ZNF521: variants seen among roughly 807,000 people sequenced by gnomAD.
The protein encoded by ZNF521 is LYST-interacting protein 3.
A neutral mutation model predicts 105.5 loss-of-function variants in ZNF521; 14 were observed. The ratio of observed to expected loss-of-function variants is 0.13; its 90% CI spans 0.09 to 0.21. The LOEUF (loss-of-function observed/expected upper bound fraction) is 0.21, where lower values mean the gene tolerates loss of function less well. Among genes scored for constraint, ZNF521 ranks in the 10% least tolerant of loss-of-function variants. The probability of loss-of-function intolerance (pLI) is 1.00; values close to 1 mark genes in which losing one functional copy is unlikely to be tolerated. For synonymous variants in ZNF521, 635 were observed against 606.0 expected (o/e 1.05, Z -0.70); for missense variants, 1,233 against 1,629.7 (o/e 0.76, Z 4.19).
intron 3 of ZNF521, among the ~76,000 whole-genome samples, chr18:25,257,124 A>T (rs1308418187): frequency 3.3e-5 from 5 of 152,158 alleles, no homozygotes; most frequent in Non-Finnish European, 5.9e-5. Flanking sequence ...CACTGTACTC[A>T]TAGTTTTAGG....
intron 3 of ZNF521, among the ~76,000 whole-genome samples, chr18:25,288,839 C>T (rs925308239): frequency 6.6e-6 from 1 of 152,154 alleles, no homozygotes; most frequent in African/African-American, 2.4e-5. Flanking sequence ...TTAATAACTC[C>T]ACAGTTGTAC....
At chr18:25,066,312 C>T (rs1458831223) in intron 7 of ZNF521, among the ~76,000 whole-genome samples, 1 of 152,296 alleles carries the variant, frequency 6.6e-6, no homozygotes, top group East Asian at 1.9e-4. Context: ...TGGGATTCTG[C>T]TCCATCCTCA....
chr18:25,264,736 A>G (rs1052500911), intron 3 of ZNF521, among the ~76,000 whole-genome samples: 3 of 152,212 alleles, frequency 2.0e-5, no homozygotes, highest in African/African-American at 7.2e-5. Context: ...TTAATTAAAC[A>G]AAAGCCCGAA....
At chr18:25,219,074 C>T (rs1905525806) in intron 4 of ZNF521, among the ~76,000 whole-genome samples, 1 of 152,154 alleles carries the variant, frequency 6.6e-6, no homozygotes. Flanking sequence ...CTTATGACTT[C>T]CTACTAGTAT....
intron 3 of ZNF521, among the ~76,000 whole-genome samples, chr18:25,281,118 G>C (rs1353550700): frequency 2.6e-5 from 4 of 152,112 alleles, no homozygotes; most frequent in Non-Finnish European, 4.4e-5. Context: ...ATATAAATTA[G>C]TGTTCCACAA....
intron 5 of ZNF521, among the ~76,000 whole-genome samples, chr18:25,111,089 C>T (rs1231682365): frequency 6.6e-6 from 1 of 151,922 alleles, no homozygotes; most frequent in Non-Finnish European, 1.5e-5. Flanking sequence ...AGCAGGGCCT[C>T]CTTACTGCCT....
chr18:25,238,875 C>T (rs977188401), intron 3 of ZNF521, among the ~76,000 whole-genome samples: 1 of 152,114 alleles, frequency 6.6e-6, no homozygotes, highest in Non-Finnish European at 1.5e-5. Context: ...GAGGATGGGG[C>T]CCAGAAATCT....
chr18:25,327,728 C>T (rs1027697685), intron 2 of ZNF521: 1 of 517,450 alleles, frequency 1.9e-6, no homozygotes, highest in Non-Finnish European at 3.9e-6. Flanking sequence ...GGAAATAAAT[C>T]GCACACTGTT....
At chr18:25,281,733 G>A (rs1170530428) in intron 3 of ZNF521, among the ~76,000 whole-genome samples, 1 of 152,146 alleles carries the variant, frequency 6.6e-6, no homozygotes, top group Non-Finnish European at 1.5e-5. Flanking sequence ...ATTGCGCTCA[G>A]GCAATGTGAC....
At chr18:25,293,893 A>G (rs1277678372) in intron 3 of ZNF521, among the ~76,000 whole-genome samples, 1 of 152,206 alleles carries the variant, frequency 6.6e-6, no homozygotes, top group Non-Finnish European at 1.5e-5. Context: ...GTAGTGCCTT[A>G]TGACTAGCAA....
At chr18:25,205,038 G>C (rs2036054410) in intron 4 of ZNF521, among the ~76,000 whole-genome samples, 1 of 149,298 alleles carries the variant, frequency 6.7e-6, no homozygotes, top group Non-Finnish European at 1.5e-5. Flanking sequence ...ACCTAAGACT[G>C]GTCTATTTCT....
Position 25,247,135 on chromosome 18 carries a change from T to C in ZNF521, c.221-19438A>G, listed in dbSNP as rs117559420. On this transcript the variant is annotated intron_variant, in intron 3 of 7. Coordinates refer to ENST00000361524, the MANE Select transcript of ZNF521 (RefSeq NM_015461.3). Reference sequence around the variant, plus strand: ...CAGAAGAGGCACAGCAGATACAAAGTTGACCAAGACACAATACATGGTTAC... The same window carrying C: ...CAGAAGAGGCACAGCAGATACAAAGCTGACCAAGACACAATACATGGTTAC... Among the ~76,000 whole-genome samples the C allele has an allele frequency of 9.4e-3, 1,438 of 152,210 alleles. 8 individuals are homozygous for C. The highest frequency in any genetic ancestry group is 0.02 in the Middle Eastern group (6 of 294).
chr18:25,175,480 T>C (rs1458979347), intron 5 of ZNF521, among the ~76,000 whole-genome samples: 1 of 152,236 alleles, frequency 6.6e-6, no homozygotes, highest in Non-Finnish European at 1.5e-5. Flanking sequence ...GACTGATGCA[T>C]GGAGCCTACC....
rs559321739 is a variant in ZNF521, at chr18:25,210,785, A to G, written c.3573+13560T>C. Among the ~76,000 whole-genome samples the G allele has an allele frequency of 9.9e-5, 15 of 152,284 alleles. No homozygotes were observed. The East Asian group carries it at 2.7e-3, about 27-fold the overall frequency. On this transcript the variant is annotated intron_variant, in intron 4 of 7. Transcript: ENST00000361524. ...AAGCCCAGCCTCTGCCCCTCTCTCC[A>G]GCTCTCTGACCTTCTCTCCCACGAC... is the stretch of plus-strand genomic sequence containing the variant.
chr18:25,144,365 T>C (rs2034905315), intron 5 of ZNF521, among the ~76,000 whole-genome samples: 1 of 152,102 alleles, frequency 6.6e-6, no homozygotes, highest in Non-Finnish European at 1.5e-5. Context: ...CTAAGCCAAA[T>C]CAAAATTAGG....
chr18:25,076,265 A>G (rs1218029965), intron 7 of ZNF521, among the ~76,000 whole-genome samples: 1 of 152,228 alleles, frequency 6.6e-6, no homozygotes, highest in Non-Finnish European at 1.5e-5. Context: ...CAAGGGTTAT[A>G]AAAGAAAAAG....
At chr18:25,106,008 A>G (rs994215993) in intron 5 of ZNF521, among the ~76,000 whole-genome samples, 1 of 152,056 alleles carries the variant, frequency 6.6e-6, no homozygotes, top group African/African-American at 2.4e-5. Context: ...AAAATGTGGT[A>G]TTCGTTTTGT....
intron 5 of ZNF521, among the ~76,000 whole-genome samples, chr18:25,150,750 T>C (rs1284129182): frequency 6.6e-6 from 1 of 152,076 alleles, no homozygotes; most frequent in Non-Finnish European, 1.5e-5. Flanking sequence ...CTAAATTCCA[T>C]TTCTTCTCCA....
intron 4 of ZNF521, among the ~76,000 whole-genome samples, chr18:25,217,142 A>G (rs1429030934): frequency 6.6e-6 from 1 of 152,146 alleles, no homozygotes. Flanking sequence ...AGAAAGTGGG[A>G]AGCCACGAAA....
Sources: gnomAD v4.1 joint callset for allele counts (sites outside exome capture counted in the v4.1 genomes callset) on GRCh38, gnomAD v4.1.1 for gene constraint, MANE v1.5 for transcripts, NCBI Gene and HGNC (gene_info 2026-07-23, HGNC 2026-07-21) for gene names.